The following MDGA2 variants were observed in gnomAD, a reference collection of about 807,000 sequenced individuals.
The protein encoded by MDGA2 is MAM domain-containing glycosylphosphatidylinositol anchor protein 2.
A neutral mutation model predicts 117.8 loss-of-function variants in MDGA2; 40 were observed. The ratio of observed to expected loss-of-function variants is 0.34; its 90% confidence interval spans 0.26 to 0.44. The LOEUF (loss-of-function observed/expected upper bound fraction) is 0.44. MDGA2 is among the 20% of genes least tolerant of loss of function. The probability of loss-of-function intolerance (pLI) is 1.00; values close to 1 mark genes in which losing one functional copy is unlikely to be tolerated. For synonymous variants in MDGA2, 452 were observed against 439.0 expected, an observed-to-expected ratio of 1.03 and a Z score of -0.37; for missense variants, 1,123 against 1,250.6, an observed-to-expected ratio of 0.90 and a Z score of 1.54.
intron 3 of MDGA2, among the ~76,000 whole-genome samples, chr14:47,184,644 C>A (rs1884840862): frequency 6.6e-6 from 1 of 151,680 alleles, no homozygotes; most frequent in Non-Finnish European, 1.5e-5. Flanking sequence ...TTTAAAAATA[C>A]CACTAATTAG....
chr14:47,256,580 T>C lies in MDGA2; in HGVS notation c.421-38385A>G, dbSNP rs565341921. The stretch of plus-strand genomic sequence containing the variant: ...GCATCTTGCACACTTAAAGAAGATA[T>C]GCTAAACAAAATGTCATTTCTCTGG... On this transcript the variant is annotated intron_variant, in intron 2 of 16. Coordinates refer to ENST00000399232, the MANE Select transcript of MDGA2 (RefSeq NM_001113498.3). Among the ~76,000 whole-genome samples the C allele has an allele frequency of 1.2e-4, 18 of 152,242 alleles. No homozygotes were observed. The South Asian group carries it at 3.7e-3, about 32-fold the overall frequency.
At chr14:47,474,151 A>T (rs1450369182) in intron 1 of MDGA2, among the ~76,000 whole-genome samples, 2 of 152,228 alleles carry the variant, frequency 1.3e-5, no homozygotes, top group Non-Finnish European at 2.9e-5. Flanking sequence ...TACAAAAGAC[A>T]ATGTGCAAAA....
chr14:47,138,825 G>C (rs772034497), intron 4 of MDGA2, among the ~76,000 whole-genome samples: 25 of 152,002 alleles, frequency 1.6e-4, no homozygotes, highest in Non-Finnish European at 2.1e-4. Context: ...GCTGGCCTAT[G>C]TCTTTTAGTA....
intron 1 of MDGA2, among the ~76,000 whole-genome samples, chr14:47,398,624 A>G (rs1892067903): frequency 6.6e-6 from 1 of 152,152 alleles, no homozygotes; most frequent in South Asian, 2.1e-4. Flanking sequence ...GGATTTTTCT[A>G]TGGACACACA....
At chr14:47,119,046 T>C (rs1281763548) in intron 5 of MDGA2, among the ~76,000 whole-genome samples, 2 of 137,812 alleles carry the variant, frequency 1.5e-5, no homozygotes, top group African/African-American at 2.7e-5. Context: ...CCAGCCTACA[T>C]ATTCTCTTTT....
At chr14:47,505,530 C>T (rs1446255253) in intron 1 of MDGA2, among the ~76,000 whole-genome samples, 1 of 152,054 alleles carries the variant, frequency 6.6e-6, no homozygotes, top group Non-Finnish European at 1.5e-5. Context: ...TCACTATGTA[C>T]TCAAGTGTTT....
intron 1 of MDGA2, among the ~76,000 whole-genome samples, chr14:47,514,510 G>A (rs1894711211): frequency 1.3e-5 from 2 of 152,110 alleles, no homozygotes; most frequent in African/African-American, 4.8e-5. Context: ...CTCTTGAGAT[G>A]TTTTTCCATA....
chr14:47,097,449 C>T (rs77404460), intron 5 of MDGA2, among the ~76,000 whole-genome samples: 2 of 152,052 alleles, frequency 1.3e-5, no homozygotes, highest in African/African-American at 4.8e-5. Context: ...TTAATGCTGA[C>T]AATCATCTTC....
chr14:47,522,861 C>T (rs1255937145), intron 1 of MDGA2, among the ~76,000 whole-genome samples: 1 of 152,080 alleles, frequency 6.6e-6, no homozygotes, highest in African/African-American at 2.4e-5. Flanking sequence ...ATTTTAGAGG[C>T]AATTCAATCT....
chr14:46,970,165 T>C (rs1180532932), intron 8 of MDGA2, among the ~76,000 whole-genome samples: 1 of 151,568 alleles, frequency 6.6e-6, no homozygotes, highest in Non-Finnish European at 1.5e-5. Flanking sequence ...TACAAAAATG[T>C]CAATATCATT....
chr14:47,400,390 T>C (rs538407774), intron 1 of MDGA2, among the ~76,000 whole-genome samples: 2 of 152,286 alleles, frequency 1.3e-5, no homozygotes, highest in South Asian at 4.1e-4. Flanking sequence ...TTATACAGAA[T>C]AAACATTTTG....
intron 3 of MDGA2, among the ~76,000 whole-genome samples, chr14:47,145,087 A>G (rs1289842154): frequency 6.6e-6 from 1 of 152,132 alleles, no homozygotes; most frequent in Non-Finnish European, 1.5e-5. Flanking sequence ...CAAATTTTAT[A>G]TTCCAGATTA....
At chr14:47,482,809 T>TA (rs1893980987) in intron 1 of MDGA2, among the ~76,000 whole-genome samples, 1 of 151,278 alleles carries the variant, frequency 6.6e-6, no homozygotes, top group Non-Finnish European at 1.5e-5. Context: ...GCAGAGGTGA[T>TA]AAAAATTCTA....
intron 1 of MDGA2, among the ~76,000 whole-genome samples, chr14:47,468,816 C>G (rs559954043): frequency 6.6e-6 from 1 of 152,184 alleles, no homozygotes; most frequent in East Asian, 1.9e-4. Context: ...ATGATTTCAT[C>G]TCATTGCAAA....
chr14:47,343,575 AAAT>A (rs1287873032), intron 1 of MDGA2, among the ~76,000 whole-genome samples: 2 of 152,156 alleles, frequency 1.3e-5, no homozygotes, highest in Non-Finnish European at 2.9e-5. Context: ...CACAGAGTAA[AAAT>A]ATTTTCTCTA....
intron 7 of MDGA2, among the ~76,000 whole-genome samples, chr14:47,045,692 C>T (rs1001438245): frequency 3.9e-5 from 6 of 152,052 alleles, no homozygotes; most frequent in African/African-American, 1.4e-4. Context: ...GGGGCAGGCG[C>T]AGTGATTCAC....
intron 8 of MDGA2, among the ~76,000 whole-genome samples, chr14:47,015,321 TAA>T (rs5808372): frequency 1.1e-3 from 158 of 145,198 alleles, no homozygotes; most frequent in Middle Eastern, 3.6e-3. Flanking sequence ...CACATGCTGT[TAA>T]AAAAAAAAAA....
At chr14:47,453,153 C>G (rs1893276471) in intron 1 of MDGA2, among the ~76,000 whole-genome samples, 1 of 151,806 alleles carries the variant, frequency 6.6e-6, no homozygotes, top group African/African-American at 2.4e-5. Context: ...TTAATATATA[C>G]ATTTATAGAA....
intron 1 of MDGA2, among the ~76,000 whole-genome samples, chr14:47,644,812 C>T (rs1405095751): frequency 6.6e-6 from 1 of 152,084 alleles, no homozygotes; most frequent in Non-Finnish European, 1.5e-5. Context: ...TTACACTCTA[C>T]TCCATAAATT....
Sources: gnomAD v4.1 joint callset for allele counts (sites outside exome capture counted in the v4.1 genomes callset) on GRCh38, gnomAD v4.1.1 for gene constraint, MANE v1.5 for transcripts, NCBI Gene and HGNC (gene_info 2026-07-23, HGNC 2026-07-21) for gene names.